MRAP2: variants seen among roughly 807,000 people sequenced by gnomAD.
MRAP2 encodes the protein melanocortin 2 receptor accessory protein 2.
Under a neutral mutation model 17.4 loss-of-function variants are expected in MRAP2, and 20 were observed. That is an observed-to-expected ratio of 1.15 (90% CI 0.81 to 1.67). The LOEUF is 1.67. Ranked by LOEUF, MRAP2 falls within the 40% of genes most tolerant of loss-of-function variation. The pLI is 0.00. For synonymous variants in MRAP2, 96 were observed against 88.4 expected (o/e 1.09, Z -0.48); for missense variants, 238 against 240.0 (o/e 0.99, Z 0.05).
chr6:84,041,453 C>G (rs1419192291), intron 1 of MRAP2, among the ~76,000 whole-genome samples: 2 of 152,208 alleles, frequency 1.3e-5, no homozygotes, highest in East Asian at 3.9e-4. Context: ...GGGCCACTGT[C>G]CTCCAGTCGC....
chr6:84,034,116 T>G (rs1002160658), intron 1 of MRAP2, among the ~76,000 whole-genome samples: 18 of 151,722 alleles, frequency 1.2e-4, no homozygotes, highest in African/African-American at 4.4e-4. Flanking sequence ...AGCCCGCTGA[T>G]GTGCGTGTGG....
At chr6:84,042,833 C>A (rs112902535) in intron 1 of MRAP2, among the ~76,000 whole-genome samples, 2 of 152,198 alleles carry the variant, frequency 1.3e-5, no homozygotes, top group Admixed American at 6.5e-5. Flanking sequence ...GTCATTAGAA[C>A]GTTCAGCTTT....
intron 3 of MRAP2, among the ~76,000 whole-genome samples, chr6:84,063,809 G>A (rs1299583088): frequency 6.6e-6 from 1 of 152,154 alleles, no homozygotes; most frequent in Non-Finnish European, 1.5e-5. Context: ...CACTTTGGGA[G>A]GCCAAGGCAG....
chr6:84,059,046 T>C (rs577064279), intron 2 of MRAP2, among the ~76,000 whole-genome samples: 53 of 152,180 alleles, frequency 3.5e-4, no homozygotes, highest in Non-Finnish European at 7.2e-4. Context: ...GGGTCATTTA[T>C]GAAGAGTGTG....
chr6:84,136,071 C>T, the MRAP2 span, among the ~76,000 whole-genome samples: 3 of 152,114 alleles, frequency 2.0e-5, no homozygotes, highest in Admixed American at 6.6e-5. Context: ...GCAGCCATTC[C>T]TGCTTTCTTT....
At chr6:84,109,474 G>C in the MRAP2 span, among the ~76,000 whole-genome samples, 4 of 151,924 alleles carry the variant, frequency 2.6e-5, no homozygotes, top group African/African-American at 9.7e-5. Context: ...CTCTCGGTTT[G>C]CCTGTTGTTG....
chr6:84,142,005 C>G, the MRAP2 span, among the ~76,000 whole-genome samples: 1 of 152,146 alleles, frequency 6.6e-6, no homozygotes, highest in South Asian at 2.1e-4. Context: ...CTCACCATGT[C>G]TTTGAAATTT....
the MRAP2 span, among the ~76,000 whole-genome samples, chr6:84,119,508 C>G: frequency 1.3e-5 from 2 of 152,172 alleles, 1 homozygote; most frequent in African/African-American, 4.8e-5. Context: ...AGATCAGATT[C>G]TCTCTCAGGG....
At chr6:84,144,459 T>C in the MRAP2 span, among the ~76,000 whole-genome samples, 1 of 152,128 alleles carries the variant, frequency 6.6e-6, no homozygotes, top group African/African-American at 2.4e-5. Context: ...TGTTTAACTA[T>C]GGCTAGTTTA....
chr6:84,118,721 GTCTTA>G, the MRAP2 span, among the ~76,000 whole-genome samples: 16,865 of 152,102 alleles, frequency 0.11, 2,514 homozygotes, highest in African/African-American at 0.35. Context: ...AAGCCAGTGT[GTCTTA>G]TCTTGTGAGA....
intron 3 of MRAP2, among the ~76,000 whole-genome samples, chr6:84,066,923 G>A (rs1435499703): frequency 2.0e-5 from 3 of 152,096 alleles, no homozygotes; most frequent in Non-Finnish European, 4.4e-5. Flanking sequence ...GGGTACAGGT[G>A]GTATTTGGTT....
the MRAP2 span, among the ~76,000 whole-genome samples, chr6:84,145,687 A>T: frequency 1.3e-5 from 2 of 152,146 alleles, no homozygotes; most frequent in Non-Finnish European, 2.9e-5. Flanking sequence ...TAAAACATTT[A>T]ACTGCCCTTT....
intron 3 of MRAP2, among the ~76,000 whole-genome samples, chr6:84,070,407 G>A (rs2099495927): frequency 1.3e-5 from 2 of 152,124 alleles, no homozygotes; most frequent in African/African-American, 4.8e-5. Flanking sequence ...TGGTTTTGAA[G>A]GTTCCTTTTG....
the MRAP2 span, among the ~76,000 whole-genome samples, chr6:84,097,241 C>A: frequency 5.9e-5 from 9 of 152,104 alleles, no homozygotes; most frequent in Admixed American, 1.3e-4. Flanking sequence ...GCAGGGTGGT[C>A]TTAGTAAGCC....
At chr6:84,141,244 C>G in the MRAP2 span, among the ~76,000 whole-genome samples, 1 of 137,104 alleles carries the variant, frequency 7.3e-6, no homozygotes. Context: ...GTTTTTATAT[C>G]AAAAAATGAT....
At chr6:84,122,420 TGATTCAACATACA>T in the MRAP2 span, among the ~76,000 whole-genome samples, 10 of 144,754 alleles carry the variant, frequency 6.9e-5, no homozygotes, top group African/African-American at 2.6e-4. Flanking sequence ...GTAAGGAGGA[TGATTCAACATACA>T]GAAATCAATA....
intron 3 of MRAP2, among the ~76,000 whole-genome samples, chr6:84,081,746 A>T (rs1344465758): frequency 3.3e-5 from 5 of 152,204 alleles, no homozygotes; most frequent in Non-Finnish European, 5.9e-5. Context: ...TTAAACTGGG[A>T]GGCAGAGGTT....
downstream of MRAP2, among the ~76,000 whole-genome samples, chr6:84,094,707 T>G (rs2099502356): frequency 6.6e-6 from 1 of 152,142 alleles, no homozygotes; most frequent in Non-Finnish European, 1.5e-5. Flanking sequence ...AATTTTTTTT[T>G]TTTGACATGG....
chr6:84,056,426 A>G (rs758924909), intron 2 of MRAP2, among the ~76,000 whole-genome samples: 1 of 152,188 alleles, frequency 6.6e-6, no homozygotes, highest in Non-Finnish European at 1.5e-5. Context: ...TTTAGCAAAA[A>G]TCATTAATTA....
Sources: gnomAD v4.1 joint callset for allele counts (sites outside exome capture counted in the v4.1 genomes callset) on GRCh38, gnomAD v4.1.1 for gene constraint, MANE v1.5 for transcripts, NCBI Gene and HGNC (gene_info 2026-07-23, HGNC 2026-07-21) for gene names.